WDR93: variants seen among roughly 807,000 people sequenced by gnomAD.
The protein encoded by WDR93 is WD repeat domain 93.
WDR93 carries 73 observed loss-of-function variants against 82.9 expected under a neutral mutation model. That is an observed-to-expected ratio of 0.88 (90% CI 0.73 to 1.07). The LOEUF (loss-of-function observed/expected upper bound fraction) is 1.07. WDR93 is among the 50% of genes least tolerant of loss of function. WDR93 has a pLI of 0.00. For missense variants in WDR93, 738 were observed against 826.0 expected, an observed-to-expected ratio of 0.89 and a Z score of 1.31; for synonymous variants, 283 against 300.1, an observed-to-expected ratio of 0.94 and a Z score of 0.59.
chr15:89,710,607 A>G (rs79883015), intron 4 of WDR93, among the ~76,000 whole-genome samples: 1 of 150,500 alleles, frequency 6.6e-6, no homozygotes, highest in South Asian at 2.1e-4. Context: ...CTCTCCTAAG[A>G]AAAAAAAAAT....
At chr15:89,716,839 G>A in intron 6 of WDR93, 72 bp from the exon 7 acceptor site, 1 of 1,065,086 alleles carries the variant, frequency 9.4e-7, no homozygotes. Context: ...GAGAGAGCAT[G>A]CCAGAAGATT....
At chr15:89,697,821 T>C (rs1283328836) in intron 1 of WDR93, among the ~76,000 whole-genome samples, 3 of 152,160 alleles carry the variant, frequency 2.0e-5, no homozygotes, top group African/African-American at 7.2e-5. Flanking sequence ...AGCTCTGTTA[T>C]TAGGTGCATA....
At chr15:89,717,105 G>A (rs972481620) in intron 7 of WDR93, among the ~76,000 whole-genome samples, 156 bp downstream of exon 7, 1 of 130,950 alleles carries the variant, frequency 7.6e-6, no homozygotes, top group Non-Finnish European at 1.6e-5. Context: ...TGTTGCTCAG[G>A]CTGGAGTGCA....
chr15:89,731,063 A>G (rs754755350), intron 11 of WDR93, among the ~76,000 whole-genome samples: 1 of 152,178 alleles, frequency 6.6e-6, no homozygotes, highest in African/African-American at 2.4e-5. Context: ...ATCTCCTTCT[A>G]TACTGACTGT....
chr15:89,711,476 A>G (rs1965972461), intron 4 of WDR93, among the ~76,000 whole-genome samples: 1 of 151,974 alleles, frequency 6.6e-6, no homozygotes, highest in Admixed American at 6.6e-5. Flanking sequence ...AGCCTGGGCA[A>G]CAAAGTGAGA....
chr15:89,718,168 T>C (rs1966343997), intron 7 of WDR93, among the ~76,000 whole-genome samples: 1 of 151,828 alleles, frequency 6.6e-6, no homozygotes, highest in South Asian at 2.1e-4. Flanking sequence ...CAGCAAAACC[T>C]TGCCTCTACA....
In WDR93 at chr15:89,701,694, C is replaced by CT; in HGVS notation, c.-40-11dup. ...CTTTCTTCCAGAATTCCTTTGTTTA[C>CT]TTCTCTTATCAGCTTTTCAGTTTCA... On this transcript the variant is annotated splice_polypyrimidine_tract_variant and intron_variant, in intron 1 of 16. Coordinates refer to ENST00000268130, the MANE Select transcript of WDR93 (RefSeq NM_020212.2). 6.4e-7 allele frequency: 1 copy of CT among 1,560,676 alleles called. No individual in the cohort carries two copies. Among genetic ancestry groups the CT allele is most frequent in the South Asian group, 1.2e-5 (1 of 82,812 alleles).
intron 1 of WDR93, among the ~76,000 whole-genome samples, chr15:89,699,938 A>G (rs1455430937): frequency 6.6e-6 from 1 of 152,034 alleles, no homozygotes; most frequent in Non-Finnish European, 1.5e-5. Flanking sequence ...TCTCTTTATT[A>G]TGGCTTATAT....
intron 7 of WDR93, among the ~76,000 whole-genome samples, chr15:89,718,082 T>C (rs2141650565): frequency 6.6e-6 from 1 of 152,340 alleles, no homozygotes; most frequent in East Asian, 1.9e-4. Flanking sequence ...GGCTCATGTC[T>C]GTAATCCCAA....
chr15:89,729,805 A>G (rs780206100), intron 11 of WDR93, 36 bp downstream of exon 11: 1 of 1,544,060 alleles, frequency 6.5e-7, no homozygotes, highest in South Asian at 1.1e-5. Context: ...GCCTAAGCTC[A>G]GGACTTGCAG....
intron 8 of WDR93, among the ~76,000 whole-genome samples, chr15:89,722,981 G>T (rs917133896): frequency 2.6e-5 from 4 of 152,142 alleles, no homozygotes; most frequent in Non-Finnish European, 5.9e-5. Context: ...AAGGTGGGCA[G>T]ATTGCTTGAG....
chr15:89,700,509 T>A (rs922884501), intron 1 of WDR93, among the ~76,000 whole-genome samples: 2 of 152,026 alleles, frequency 1.3e-5, no homozygotes, highest in African/African-American at 2.4e-5. Flanking sequence ...AATATTTTTT[T>A]AAAAACTGTA....
intron 1 of WDR93, among the ~76,000 whole-genome samples, chr15:89,697,386 AT>A (rs1321220079): frequency 1.3e-5 from 2 of 152,204 alleles, no homozygotes; most frequent in Non-Finnish European, 2.9e-5. Flanking sequence ...AAAGTGATCC[AT>A]GGGTTATTAA....
intron 9 of WDR93, among the ~76,000 whole-genome samples, chr15:89,727,818 C>G (rs1022388305): frequency 6.6e-6 from 1 of 151,854 alleles, no homozygotes; most frequent in African/African-American, 2.4e-5. Flanking sequence ...CACGGTGGCT[C>G]AGGCCTGTAA....
intron 14 of WDR93, 93 bp downstream of exon 14, chr15:89,735,646 G>A: frequency 7.5e-7 from 1 of 1,328,934 alleles, no homozygotes; most frequent in Non-Finnish European, 1.1e-6. Flanking sequence ...GCTTATTGAA[G>A]GCCTGTTATG....
chr15:89,728,517 C>G (rs1240277316), intron 9 of WDR93, among the ~76,000 whole-genome samples: 1 of 152,224 alleles, frequency 6.6e-6, no homozygotes, highest in Non-Finnish European at 1.5e-5. Flanking sequence ...CTGGCTCCTA[C>G]TGCATAGTGA....
chr15:89,705,671 GTTTA>G, intron 4 of WDR93, 53 bp downstream of exon 4: 2 of 1,212,186 alleles, frequency 1.6e-6, no homozygotes, highest in South Asian at 2.5e-5. Context: ...AGCAAATTAA[GTTTA>G]TTTTTAATAT....
chr15:89,698,503 C>T (rs1207144554), intron 1 of WDR93, among the ~76,000 whole-genome samples: 2 of 151,964 alleles, frequency 1.3e-5, no homozygotes, highest in African/African-American at 4.8e-5. Context: ...TCCCTTTTTC[C>T]TCTTTTTTGC....
intron 4 of WDR93, among the ~76,000 whole-genome samples, chr15:89,707,459 G>T (rs1304370329): frequency 6.6e-6 from 1 of 152,110 alleles, no homozygotes; most frequent in Admixed American, 6.6e-5. Flanking sequence ...CTGAACAGGA[G>T]AATCACTTGA....
Sources: allele counts gnomAD v4.1 joint callset (sites outside exome capture counted in the v4.1 genomes callset), GRCh38; gene constraint gnomAD v4.1.1; transcripts MANE v1.5; gene names NCBI Gene and HGNC (gene_info 2026-07-23, HGNC 2026-07-21).